The following TSEN15 variants were observed in gnomAD, a reference collection of about 807,000 sequenced individuals.
TSEN15 encodes tRNA-splicing endonuclease subunit Sen15.
Under a neutral mutation model 20.5 loss-of-function variants are expected in TSEN15, and 10 were observed. The observed-to-expected ratio is 0.49, with a 90% confidence interval of 0.30 to 0.83. The LOEUF is 0.83. Ranked by LOEUF, TSEN15 falls within the 40% of genes least tolerant of loss-of-function variation. TSEN15 has a pLI of 0.06. For missense variants in TSEN15, 180 were observed against 218.6 expected (o/e 0.82, Z 1.11); for synonymous variants, 72 against 80.1 (o/e 0.90, Z 0.54).
At chr1:184,093,871 CTATT>C (rs1287920719) in intron 3 of TSEN15, 2 of 152,210 alleles carry the variant, frequency 1.3e-5, no homozygotes, top group Non-Finnish European at 1.5e-5. Context: ...CAAATTGAAA[CTATT>C]TATAGGCTTT....
At chr1:184,092,453 A>G (rs1160105892) in intron 3 of TSEN15, among the ~76,000 whole-genome samples, 1 of 152,238 alleles carries the variant, frequency 6.6e-6, no homozygotes, top group South Asian at 2.1e-4. Context: ...AGTGGAAGAC[A>G]GTTAATGATT....
At chr1:184,066,458 A>G (rs1371934400) in intron 3 of TSEN15, among the ~76,000 whole-genome samples, 2 of 151,600 alleles carry the variant, frequency 1.3e-5, no homozygotes, top group Non-Finnish European at 2.9e-5. Context: ...GTTGGAGTGG[A>G]GTGGCACGAT....
intron 3 of TSEN15, among the ~76,000 whole-genome samples, chr1:184,083,000 A>C (rs1651197257): frequency 6.6e-6 from 1 of 152,200 alleles, no homozygotes; most frequent in Non-Finnish European, 1.5e-5. Context: ...AATTGTCATT[A>C]AAATTCATAT....
At chr1:184,070,585 A>G in intron 3 of TSEN15, 1 of 1,076,256 alleles carries the variant, frequency 9.3e-7, no homozygotes, top group South Asian at 1.4e-5. Context: ...AGCCTATAAA[A>G]ATGTATCTTT....
intron 3 of TSEN15, among the ~76,000 whole-genome samples, chr1:184,091,054 C>T (rs1394341493): frequency 6.6e-6 from 1 of 152,120 alleles, no homozygotes; most frequent in Non-Finnish European, 1.5e-5. Flanking sequence ...TACCAAAGGC[C>T]TCATCACCTT....
At chr1:184,085,578 T>C (rs1651248685) in intron 3 of TSEN15, among the ~76,000 whole-genome samples, 1 of 152,172 alleles carries the variant, frequency 6.6e-6, no homozygotes, top group Non-Finnish European at 1.5e-5. Context: ...CAAGAATGGC[T>C]TTTCTCTGCA....
chr1:184,095,362 A>G lies in TSEN15; in HGVS notation c.354-328A>G, dbSNP rs193037827. 702 of 383,978 alleles carry G rather than the reference A, an allele frequency of 1.8e-3. 3 individuals carry two copies. Among genetic ancestry groups the G allele is most frequent in the African/African-American group, 0.013 (635 of 48,488 alleles). 23.8% of individuals were successfully genotyped at this position (383,978 alleles called of 1,614,324 possible). On this transcript the variant is annotated intron_variant, in intron 3 of 3. Transcript: ENST00000643231. Reference sequence around the variant, plus strand: ...AAATTAATGAGCTCTCTGTTTATTCATTGATAAAATGTAGAGAATGCCCCT... The same window carrying G: ...AAATTAATGAGCTCTCTGTTTATTCGTTGATAAAATGTAGAGAATGCCCCT...
downstream of TSEN15, among the ~76,000 whole-genome samples, chr1:184,075,282 C>T (rs1651037085): frequency 6.6e-6 from 1 of 152,106 alleles, no homozygotes; most frequent in African/African-American, 2.4e-5. Flanking sequence ...CAGCCAGACA[C>T]ATCCTAACAT....
chr1:184,063,806 A>AG (rs1286100181), intron 3 of TSEN15, among the ~76,000 whole-genome samples: 1 of 152,076 alleles, frequency 6.6e-6, no homozygotes, highest in Non-Finnish European at 1.5e-5. Context: ...TTTCATGGGG[A>AG]GAAGAAAAAA....
At chr1:184,058,835 A>G (rs1650341362) in intron 3 of TSEN15, among the ~76,000 whole-genome samples, 1 of 152,132 alleles carries the variant, frequency 6.6e-6, no homozygotes, top group Non-Finnish European at 1.5e-5. Flanking sequence ...ACATAAATTA[A>G]CGATTCTGTT....
chr1:184,096,114 A>G (rs1291010763), exon 4 of TSEN15: 5 of 195,062 alleles, frequency 2.6e-5, no homozygotes, highest in Non-Finnish European at 5.2e-5. Flanking sequence ...GGGCACTCGA[A>G]AGAAATAAAT....
At chr1:184,093,123 G>A (rs1651389152) in intron 3 of TSEN15, among the ~76,000 whole-genome samples, 1 of 152,136 alleles carries the variant, frequency 6.6e-6, no homozygotes, top group African/African-American at 2.4e-5. Context: ...ACATCTTCTT[G>A]TGAACACTAG....
intron 3 of TSEN15, 46 bp from the exon 4 acceptor site, chr1:184,072,111 A>C (rs757897952): frequency 1.3e-6 from 2 of 1,592,956 alleles, no homozygotes; most frequent in Non-Finnish European, 1.7e-6. Flanking sequence ...CATCTCATCT[A>C]ATTGAGTGAC....
chr1:184,072,386 C>T (rs1650918380), intron 4 of TSEN15, 88 bp downstream of exon 4: 1 of 1,197,384 alleles, frequency 8.4e-7, no homozygotes, highest in South Asian at 1.8e-5. Flanking sequence ...AGTCACAGAA[C>T]TGCCACTTCC....
chr1:184,087,076 G>A (rs1462290693), intron 3 of TSEN15, among the ~76,000 whole-genome samples: 3 of 152,200 alleles, frequency 2.0e-5, no homozygotes, highest in African/African-American at 7.2e-5. Flanking sequence ...CATTTAGCAT[G>A]CCTGGTGTTT....
rs1379811879 is a variant in TSEN15 at position 184,073,191 on chromosome 1, A to G, written c.*344A>G. ...CTCTTTGTTTCTTGCTGCCACTGCC[A>G]GCTCATTGTTGAGACTGCCATTTCT... On this transcript the variant is annotated 3_prime_UTR_variant, in exon 5 of 5. Transcript: ENST00000645668. 4.6e-6 allele frequency: 1 copy of G among 219,398 alleles called. No individual in the cohort carries two copies. Among genetic ancestry groups the G allele is most frequent in the Non-Finnish European group, 8.8e-6 (1 of 113,220 alleles). 13.6% of individuals were successfully genotyped at this position (219,398 alleles called of 1,614,324 possible).
rs190408342 is a variant in TSEN15, at chr1:184,083,909, C to G, written c.354-11781C>G. Among the ~76,000 whole-genome samples, 257 of 152,228 alleles carry G rather than the reference C, an allele frequency of 1.7e-3. 2 individuals carry two copies. The highest frequency in any genetic ancestry group is 5.9e-3 in the African/African-American group (246 of 41,522). On this transcript the variant is annotated intron_variant, in intron 3 of 3. Transcript: ENST00000643231. ...CCTTCTCACCCTCACGCTCATCACCCTCTTCCACCTCTACCCCTGTTAAAA... is the reference window on the plus strand; with the variant it reads ...CCTTCTCACCCTCACGCTCATCACCGTCTTCCACCTCTACCCCTGTTAAAA...
intron 3 of TSEN15, among the ~76,000 whole-genome samples, chr1:184,066,199 A>G (rs1650650093): frequency 6.6e-6 from 1 of 151,622 alleles, no homozygotes; most frequent in Non-Finnish European, 1.5e-5. Flanking sequence ...TTCCAGGTGA[A>G]TATCCAGTTA....
At chr1:184,078,837 G>T (rs1484950022), downstream of TSEN15, among the ~76,000 whole-genome samples, 1 of 152,006 alleles carries the variant, frequency 6.6e-6, no homozygotes, top group Admixed American at 6.6e-5. Flanking sequence ...GGAACCAAAT[G>T]ACTTAACCAA....
Sources: gnomAD v4.1 joint callset for allele counts (sites outside exome capture counted in the v4.1 genomes callset) on GRCh38, gnomAD v4.1.1 for gene constraint, MANE v1.5 for transcripts, NCBI Gene and HGNC (gene_info 2026-07-23, HGNC 2026-07-21) for gene names.